Variants in SCEL observed in about 807,000 individuals in gnomAD.
SCEL encodes sciellin.
Under a neutral mutation model 117.6 loss-of-function variants are expected in SCEL, and 113 were observed. The ratio of observed to expected loss-of-function variants is 0.96; its 90% CI spans 0.83 to 1.12. SCEL has a LOEUF of 1.12. SCEL is among the 50% of genes most tolerant of loss of function. The probability of loss-of-function intolerance (pLI) is 0.00; values close to 1 mark genes in which losing one functional copy is unlikely to be tolerated. For synonymous variants in SCEL, 270 were observed against 256.2 expected (o/e 1.05, Z -0.51); for missense variants, 785 against 810.8 (o/e 0.97, Z 0.39).
In SCEL at chr13:77,644,176, TG is replaced by T. The variant is rs1263505969; in HGVS notation, c.2051-79del. The T allele has an allele frequency of 5.6e-6, 8 of 1,419,868 alleles. No homozygotes were observed. The African/African-American group carries it at 1.1e-4, about 20-fold the overall frequency. 88.0% of individuals were successfully genotyped at this position (1,419,868 alleles called of 1,614,324 possible). A position where few individuals can be genotyped will look rare whatever the true frequency, so the allele number is the denominator to read the frequency against. ...GAATCCTTAATCTACCACTACCCGT[TG>T]GGTGAATAATAGTCTGTAAATTTTA... is the stretch of plus-strand genomic sequence containing the variant. On this transcript the variant is annotated intron_variant, in intron 32 of 32. Coordinates refer to ENST00000349847, the MANE Select transcript of SCEL (RefSeq NM_144777.3).
intron 31 of SCEL, 25 bp from the exon 32 acceptor site, chr13:77,642,681 T>G: frequency 2.2e-6 from 3 of 1,356,626 alleles, no homozygotes; most frequent in Non-Finnish European, 3.1e-6. Context: ...CAATGGAAAC[T>G]TTATATATGT....
At chr13:77,587,362 A>G (rs375230889) in intron 9 of SCEL, among the ~76,000 whole-genome samples, 109 of 152,074 alleles carry the variant, frequency 7.2e-4, no homozygotes, top group East Asian at 2.9e-3. Context: ...TCCTGCATCA[A>G]TGATTCACTG....
intron 1 of SCEL, among the ~76,000 whole-genome samples, chr13:77,548,363 C>T (rs559917913): frequency 6.6e-6 from 1 of 152,272 alleles, no homozygotes; most frequent in Non-Finnish European, 1.5e-5. Flanking sequence ...GTCACCTGTT[C>T]AGGCATATTT....
chr13:77,562,937 A>G (rs1019997889), intron 4 of SCEL, among the ~76,000 whole-genome samples: 1 of 152,224 alleles, frequency 6.6e-6, no homozygotes, highest in Non-Finnish European at 1.5e-5. Context: ...GATACTTAGA[A>G]ATACAAACAC....
At chr13:77,540,924 A>G (rs2083668026) in intron 1 of SCEL, among the ~76,000 whole-genome samples, 1 of 152,232 alleles carries the variant, frequency 6.6e-6, no homozygotes, top group East Asian at 1.9e-4. Flanking sequence ...TCAGGAGATT[A>G]TGGTAGTTTG....
At chr13:77,540,027 C>T (rs907216019) in intron 1 of SCEL, among the ~76,000 whole-genome samples, 1 of 151,776 alleles carries the variant, frequency 6.6e-6, no homozygotes, top group South Asian at 2.1e-4. Flanking sequence ...TTGAGGAAAA[C>T]GGATAGCCAC....
chr13:77,624,669 A>G (rs2089632040), intron 27 of SCEL, among the ~76,000 whole-genome samples: 2 of 152,308 alleles, frequency 1.3e-5, no homozygotes, highest in Admixed American at 1.3e-4. Context: ...AATATAATAT[A>G]TGCATTCAGG....
Position 77,618,067 on chromosome 13 carries a change from G to T in SCEL, c.1628+7G>T, listed in dbSNP as rs139798692. The T allele has an allele frequency of 5.0e-4, 805 of 1,607,516 alleles. 3 individuals carry two copies. In the African/African-American group the frequency reaches 8.8e-3, roughly 18 times the overall value. On this transcript the variant is annotated splice_region_variant and intron_variant, in intron 27 of 32. Transcript: ENST00000349847. ...CTCTTAGAAACACTAATCGGTAAAT[G>T]ACCTTGACTATCTTGACATGTTTAC... is the stretch of plus-strand genomic sequence containing the variant.
At chr13:77,594,582 G>C (rs968576695) in intron 12 of SCEL, among the ~76,000 whole-genome samples, 7 of 152,134 alleles carry the variant, frequency 4.6e-5, no homozygotes, top group Admixed American at 2.0e-4. Flanking sequence ...TATTTTATAA[G>C]AGCGAATCAT....
chr13:77,629,295 G>C (rs1314660750), intron 28 of SCEL, among the ~76,000 whole-genome samples: 4 of 152,098 alleles, frequency 2.6e-5, no homozygotes, highest in African/African-American at 7.2e-5. Context: ...TAGTCACTGA[G>C]TATTGGCTTT....
chr13:77,623,108 C>T (rs2089513792), intron 27 of SCEL, among the ~76,000 whole-genome samples: 1 of 152,230 alleles, frequency 6.6e-6, no homozygotes, highest in Non-Finnish European at 1.5e-5. Flanking sequence ...TCACAGTTGA[C>T]TCACAGTTCT....
chr13:77,580,681 G>A (rs1205639851), intron 9 of SCEL, among the ~76,000 whole-genome samples: 1 of 152,100 alleles, frequency 6.6e-6, no homozygotes, highest in Non-Finnish European at 1.5e-5. Context: ...ATTTATGAAT[G>A]TTATTCATTA....
intron 24 of SCEL, among the ~76,000 whole-genome samples, chr13:77,615,854 T>C (rs961966558): frequency 6.6e-6 from 1 of 152,118 alleles, no homozygotes; most frequent in Non-Finnish European, 1.5e-5. Context: ...CTAATGTTTC[T>C]CAAATGTGGG....
intron 9 of SCEL, among the ~76,000 whole-genome samples, chr13:77,576,332 G>A (rs1203473337): frequency 1.3e-5 from 2 of 152,026 alleles, no homozygotes; most frequent in East Asian, 3.9e-4. Flanking sequence ...ACACTCTGCT[G>A]GATTTTCTTT....
intron 1 of SCEL, among the ~76,000 whole-genome samples, chr13:77,540,824 TG>T (rs1567327092): frequency 6.6e-6 from 1 of 152,156 alleles, no homozygotes; most frequent in African/African-American, 2.4e-5. Context: ...TTTAAGTAGG[TG>T]ATGACTACTT....
intron 27 of SCEL, among the ~76,000 whole-genome samples, chr13:77,618,315 G>A (rs567477047): frequency 4.9e-4 from 74 of 152,014 alleles, no homozygotes; most frequent in African/African-American, 1.8e-3. Context: ...TGAGTAACTG[G>A]GACTACAGGT....
chr13:77,560,189 G>T (rs1184404779), intron 4 of SCEL, among the ~76,000 whole-genome samples: 2 of 151,812 alleles, frequency 1.3e-5, no homozygotes, highest in Admixed American at 6.6e-5. Context: ...CCAACACTTT[G>T]GGAGGCCAAG....
intron 9 of SCEL, among the ~76,000 whole-genome samples, chr13:77,587,519 C>G (rs1448140277): frequency 6.6e-6 from 1 of 152,022 alleles, no homozygotes; most frequent in African/African-American, 2.4e-5. Context: ...TTCCTAAATC[C>G]ACTCGTATGA....
intron 1 of SCEL, among the ~76,000 whole-genome samples, chr13:77,537,064 T>C (rs1367641435): frequency 6.6e-6 from 1 of 152,230 alleles, no homozygotes. Flanking sequence ...GTTTAAAGTA[T>C]TGGAAACATC....
Sources: gnomAD v4.1 joint callset for allele counts (sites outside exome capture counted in the v4.1 genomes callset) on GRCh38, gnomAD v4.1.1 for gene constraint, MANE v1.5 for transcripts, NCBI Gene and HGNC (gene_info 2026-07-23, HGNC 2026-07-21) for gene names.